Variants in PPFIA1 observed in about 807,000 individuals in gnomAD.
The protein encoded by PPFIA1 is PPFI scaffold protein A1, also known as liprin-alpha-1.
PPFIA1 carries 25 observed loss-of-function variants against 149.9 expected under a neutral mutation model. That is an observed-to-expected ratio of 0.17 (90% CI 0.12 to 0.23). The LOEUF (loss-of-function observed/expected upper bound fraction) is 0.23, where lower values mean the gene tolerates loss of function less well. PPFIA1 is among the 10% of genes least tolerant of loss of function. PPFIA1 has a pLI of 1.00. For missense variants in PPFIA1, 1,362 were observed against 1,506.5 expected (o/e 0.90, Z 1.59); for synonymous variants, 549 against 552.8 (o/e 0.99, Z 0.10).
chr11:70,313,183 G>C (rs564730638), intron 2 of PPFIA1, among the ~76,000 whole-genome samples: 27 of 152,302 alleles, frequency 1.8e-4, no homozygotes, highest in African/African-American at 5.5e-4. Flanking sequence ...CTTCTAGAGC[G>C]GCCACTCTGA....
intron 21 of PPFIA1, chr11:70,365,399 C>T (rs142375824): frequency 1.1e-5 from 5 of 456,436 alleles, no homozygotes; most frequent in African/African-American, 4.0e-5. Context: ...GGTTAACACA[C>T]GAAGAGATGG....
chr11:70,335,557 C>CTT lies in PPFIA1; in HGVS notation c.1297-4_1297-3dup, dbSNP rs1445564751. The CTT allele has an allele frequency of 1.9e-6, 3 of 1,613,200 alleles. No individual in the cohort carries two copies. The highest frequency in any genetic ancestry group is 2.5e-6 in the Non-Finnish European group (3 of 1,179,610). On this transcript the variant is annotated splice_region_variant and splice_polypyrimidine_tract_variant and intron_variant, in intron 10 of 27. Coordinates refer to ENST00000253925, the MANE Select transcript of PPFIA1 (RefSeq NM_003626.5). The stretch of plus-strand genomic sequence containing the variant: ...GGTTTATAAGACTTTGTTTCTCCTG[C>CTT]TTTAGGCAAGGCAAAGAGAAAAAAT...
intron 26 of PPFIA1, 187 bp downstream of exon 26, chr11:70,378,382 A>G (rs2057574120): frequency 1.5e-6 from 2 of 1,294,704 alleles, no homozygotes; most frequent in South Asian, 5.4e-5. Flanking sequence ...AACCATAATA[A>G]TAGAATTTTT....
chr11:70,367,380 A>T (rs1308708930), intron 21 of PPFIA1: 3 of 383,498 alleles, frequency 7.8e-6, no homozygotes, highest in African/African-American at 6.3e-5. Context: ...AAAACCATTT[A>T]TACCTCATTT....
rs2055107744 is a variant in PPFIA1 at position 70,338,363 on chromosome 11, C to T, written c.1492-11C>T. ...AGATAGCAGTAATGTAAGTCTTTTGCTTTTCTGTAGGATCAGCTTGTCCTA... is the reference window on the plus strand; with the variant it reads ...AGATAGCAGTAATGTAAGTCTTTTGTTTTTCTGTAGGATCAGCTTGTCCTA... On this transcript the variant is annotated splice_polypyrimidine_tract_variant and intron_variant, in intron 12 of 27. Coordinates refer to ENST00000253925, the MANE Select transcript of PPFIA1 (RefSeq NM_003626.5). The T allele has an allele frequency of 1.9e-6, 3 of 1,605,152 alleles. No individual in the cohort carries two copies. Among genetic ancestry groups the T allele is most frequent in the Non-Finnish European group, 2.6e-6 (3 of 1,172,732 alleles).
At chr11:70,354,267 T>A in intron 16 of PPFIA1, 34 bp from the exon 17 acceptor site, 1 of 1,585,488 alleles carries the variant, frequency 6.3e-7, no homozygotes, top group Non-Finnish European at 8.6e-7. Context: ...CACAGTCTGC[T>A]GTTAACTAAC....
chr11:70,348,302 C>T lies in PPFIA1; in HGVS notation c.2045C>T (p.Pro682Leu). 6.2e-7 allele frequency: 1 copy of T among 1,614,160 alleles called. No homozygotes were observed. Among genetic ancestry groups the T allele is most frequent in the Non-Finnish European group, 8.5e-7 (1 of 1,180,026 alleles). ...CGTTTTAGATCAATGAGCTCCATTC[C>T]CCCCTACCCTGCTTCCTCGCTTGCT... is the stretch of plus-strand genomic sequence containing the variant. The part of the protein sequence containing the change: ...LGRFRSMSSI[P>L]PYPASSLASS... Residue 682 changes from proline to leucine, a missense_variant, in exon 16 of 28, where the codon CCC (proline) becomes CTC (leucine). Pro to Leu is a moderately conservative substitution (Grantham distance 98, BLOSUM62 -3). Around this residue, in one of 7 missense-constraint regions of PPFIA1, gnomAD observed 733 missense variants for 744.1 expected, o/e 0.99. Transcript: ENST00000253925.
At chr11:70,355,429 G>A (rs965643921) in intron 17 of PPFIA1, among the ~76,000 whole-genome samples, 3 of 152,118 alleles carry the variant, frequency 2.0e-5, no homozygotes, top group African/African-American at 7.2e-5. Context: ...CTGAAGGGGA[G>A]GGGAGCTCCA....
intron 21 of PPFIA1, among the ~76,000 whole-genome samples, chr11:70,368,137 CTAAA>C (rs993264531): frequency 1.3e-5 from 2 of 152,016 alleles, no homozygotes. Flanking sequence ...GACCCTGTCT[CTAAA>C]TAAATAAATA....
At chr11:70,277,060 A>ATATATATATATATATATATTTT in intron 2 of PPFIA1, among the ~76,000 whole-genome samples, 3 of 66,326 alleles carry the variant, frequency 4.5e-5, no homozygotes, top group African/African-American at 3.5e-4. Flanking sequence ...ATATATATAT[A>ATATATATATATATATATATTTT]TTTTTTTTTT....
At chr11:70,324,593 G>C (rs1250392849) in intron 3 of PPFIA1, 90 bp downstream of exon 3, 1 of 1,134,956 alleles carries the variant, frequency 8.8e-7, no homozygotes, top group East Asian at 2.4e-5. Flanking sequence ...GACCCACTCT[G>C]TCTGGCCTGA....
chr11:70,299,769 C>T (rs2052350245), intron 2 of PPFIA1, among the ~76,000 whole-genome samples: 1 of 152,132 alleles, frequency 6.6e-6, no homozygotes, highest in South Asian at 2.1e-4. Flanking sequence ...TTCCTGATCC[C>T]CCTGATACAC....
intron 2 of PPFIA1, among the ~76,000 whole-genome samples, chr11:70,277,379 T>G (rs1232997695): frequency 1.3e-5 from 2 of 152,240 alleles, no homozygotes; most frequent in Non-Finnish European, 2.9e-5. Flanking sequence ...ATAATTATTT[T>G]GTACAGTTAA....
chr11:70,371,088 C>T (rs2057213494), intron 21 of PPFIA1, among the ~76,000 whole-genome samples: 2 of 152,148 alleles, frequency 1.3e-5, no homozygotes, highest in African/African-American at 4.8e-5. Flanking sequence ...TCCGAGGTCG[C>T]GCTACTGCAC....
chr11:70,347,197 C>G (rs1041721822), intron 15 of PPFIA1, among the ~76,000 whole-genome samples: 3 of 152,022 alleles, frequency 2.0e-5, no homozygotes, highest in Non-Finnish European at 4.4e-5. Flanking sequence ...ATTTCTTCAG[C>G]TTTGCTCTAA....
At chr11:70,295,340 C>G (rs1341951089) in intron 2 of PPFIA1, among the ~76,000 whole-genome samples, 1 of 141,740 alleles carries the variant, frequency 7.1e-6, no homozygotes, top group East Asian at 2.2e-4. Context: ...GCTGACCCCC[C>G]CCACCTCCCT....
chr11:70,339,391 G>T, intron 14 of PPFIA1, 85 bp downstream of exon 14: 1 of 1,472,274 alleles, frequency 6.8e-7, no homozygotes, highest in Non-Finnish European at 9.2e-7. Context: ...GGATAAAAAT[G>T]TTGATAGGTC....
intron 26 of PPFIA1, chr11:70,380,956 T>G (rs946531707): frequency 2.0e-5 from 3 of 151,810 alleles, no homozygotes; most frequent in African/African-American, 7.3e-5. Context: ...TGTGGTCCCA[T>G]GCCTTGCTAA....
At position 70,383,554 on chromosome 11, in the gene PPFIA1, A is replaced by G. The variant is rs1449425469; in HGVS notation, c.*564A>G. 1 of 156,670 alleles carries G rather than the reference A, an allele frequency of 6.4e-6. No individual in the cohort carries two copies. The highest frequency in any genetic ancestry group is 1.4e-5 in the Non-Finnish European group (1 of 71,534). The allele number at this position is 156,670 out of a possible 1,614,324, so 9.7% of individuals were successfully genotyped here. A position where few individuals can be genotyped will look rare whatever the true frequency, so the allele number is the denominator to read the frequency against. Reference sequence around the variant, plus strand: ...TGTTGTATTTTCATGACTGACCTTAACTGTACTTTTTCTAGCAAGAGATGC... The same window carrying G: ...TGTTGTATTTTCATGACTGACCTTAGCTGTACTTTTTCTAGCAAGAGATGC... On this transcript the variant is annotated 3_prime_UTR_variant, in exon 28 of 28. Coordinates refer to ENST00000253925, the MANE Select transcript of PPFIA1 (RefSeq NM_003626.5).
Sources: gnomAD v4.1 joint callset for allele counts (sites outside exome capture counted in the v4.1 genomes callset) on GRCh38, gnomAD v4.1.1 for gene constraint, gnomAD v4.1.1 regional missense constraint, MANE v1.5 for transcripts, NCBI Gene and HGNC (gene_info 2026-07-23, HGNC 2026-07-21) for gene names.